TSPAN9: variants seen among roughly 807,000 people sequenced by gnomAD.
The protein encoded by TSPAN9 is tetraspanin 9.
TSPAN9 carries 16 observed loss-of-function variants against 31.0 expected under a neutral mutation model. The observed-to-expected ratio is 0.52, with a 90% CI of 0.35 to 0.78. TSPAN9 has a LOEUF of 0.78. Ranked by LOEUF, TSPAN9 falls within the 30% of genes least tolerant of loss-of-function variation. TSPAN9 has a pLI of 0.01. For synonymous variants in TSPAN9, 145 were observed against 121.6 expected (o/e 1.19, Z -1.27); for missense variants, 272 against 312.5 (o/e 0.87, Z 0.98).
intron 2 of TSPAN9, among the ~76,000 whole-genome samples, chr12:3,088,636 C>G (rs74054894): frequency 0.086 from 13,110 of 152,244 alleles, 1,744 homozygotes; most frequent in African/African-American, 0.29. Flanking sequence ...AGGGAGAACA[C>G]TGGAGACCAT....
In TSPAN9 at chr12:3,164,579, C is replaced by G. The variant is rs527243563; in HGVS notation, c.-17-36598C>G. 5.9e-5 allele frequency among the ~76,000 whole-genome samples: 9 copies of G among 152,344 alleles called. No individual in the cohort carries two copies. The South Asian group carries it at 1.9e-3, about 32-fold the overall frequency. ...AGGCCTGCGAGGGGAGATTGACACC[C>G]AGAGGTTGCTGGATCGTGGTGATGC... On this transcript the variant is annotated intron_variant, in intron 2 of 8. Transcript: ENST00000011898.
At chr12:3,087,954 A>G (rs977173609) in intron 2 of TSPAN9, among the ~76,000 whole-genome samples, 2 of 152,182 alleles carry the variant, frequency 1.3e-5, no homozygotes, top group Non-Finnish European at 2.9e-5. Context: ...TAGGGGCCCA[A>G]AGCTCTCCGA....
chr12:3,211,245 C>T (rs553766865), intron 3 of TSPAN9, among the ~76,000 whole-genome samples: 1 of 152,164 alleles, frequency 6.6e-6, no homozygotes, highest in Admixed American at 6.5e-5. Flanking sequence ...CTCCATAGCT[C>T]CATTGATTAA....
chr12:3,185,376 G>A (rs1565606129), intron 2 of TSPAN9, among the ~76,000 whole-genome samples: 1 of 152,188 alleles, frequency 6.6e-6, no homozygotes, highest in Non-Finnish European at 1.5e-5. Flanking sequence ...GGTTGGCAGG[G>A]TGGGGCTAGG....
At position 3,168,505 on chromosome 12, in the gene TSPAN9, AGAG is replaced by A. The variant is rs2098349860; in HGVS notation, c.-17-32671_-17-32669del. Among the ~76,000 whole-genome samples, 1 of 152,304 alleles carries A rather than the reference AGAG, an allele frequency of 6.6e-6. No individual in the cohort carries two copies. Among genetic ancestry groups the A allele is most frequent in the Non-Finnish European group, 1.5e-5 (1 of 68,012 alleles). On this transcript the variant is annotated intron_variant, in intron 2 of 8. Transcript: ENST00000011898. The surrounding 1 kb of genome is among the most constrained non-coding windows in gnomAD (Gnocchi z 4.0). ...TAAGAAGAGGCTGCAAGGGGTAAGA[AGAG>A]AGTGTCACAAGCTGGGAGGTGCCAG... is the stretch of plus-strand genomic sequence containing the variant.
chr12:3,160,071 C>T (rs939563351), intron 2 of TSPAN9, among the ~76,000 whole-genome samples: 2 of 152,206 alleles, frequency 1.3e-5, no homozygotes, highest in African/African-American at 4.8e-5. Context: ...CACTGGAAGC[C>T]ATTCTCTATA....
At chr12:3,208,993 T>C (rs981718718) in intron 3 of TSPAN9, among the ~76,000 whole-genome samples, 9 of 152,166 alleles carry the variant, frequency 5.9e-5, no homozygotes, top group African/African-American at 9.7e-5. Flanking sequence ...TCCTAGCACT[T>C]TGGGAGGCCA....
intron 3 of TSPAN9, among the ~76,000 whole-genome samples, chr12:3,240,456 T>C (rs2098396020): frequency 1.3e-5 from 2 of 152,292 alleles, no homozygotes; most frequent in South Asian, 2.1e-4. Flanking sequence ...CTTCACACAC[T>C]TCAGGTACTC....
chr12:3,078,193 C>A (rs1175409640), intron 1 of TSPAN9, among the ~76,000 whole-genome samples: 1 of 152,110 alleles, frequency 6.6e-6, no homozygotes, highest in Admixed American at 6.5e-5. Context: ...AGTATGGGAT[C>A]CCCTGAGCTA....
At position 3,283,143 on chromosome 12, in the gene TSPAN9, G is replaced by A. The variant is rs768379963; in HGVS notation, c.*27G>A. 1.3e-5 allele frequency: 21 copies of A among 1,602,214 alleles called. No homozygotes were observed. Among genetic ancestry groups the A allele is most frequent in the Admixed American group, 5.0e-5 (3 of 59,944 alleles). On this transcript the variant is annotated 3_prime_UTR_variant, in exon 9 of 9. Transcript: ENST00000011898. ...CGGGCTGGCCGGGAGTGCCCACCCCGCCCTGCTGCCCTGTGGAGGGAAGAG... is the reference window on the plus strand; with the variant it reads ...CGGGCTGGCCGGGAGTGCCCACCCCACCCTGCTGCCCTGTGGAGGGAAGAG...
chr12:3,164,479 GTCT>G (rs2098347240), intron 2 of TSPAN9, among the ~76,000 whole-genome samples: 1 of 152,142 alleles, frequency 6.6e-6, no homozygotes, highest in African/African-American at 2.4e-5. Context: ...GCTCACTCTG[GTCT>G]TCTTTACTCT....
intron 2 of TSPAN9, among the ~76,000 whole-genome samples, chr12:3,157,770 T>C (rs1321702013): frequency 3.9e-5 from 6 of 152,114 alleles, no homozygotes; most frequent in Admixed American, 3.9e-4. Flanking sequence ...TCCCCTTCCC[T>C]GATCAGGTGG....
At chr12:3,174,785 T>G (rs543240301) in intron 2 of TSPAN9, among the ~76,000 whole-genome samples, 4 of 149,342 alleles carry the variant, frequency 2.7e-5, no homozygotes, top group East Asian at 2.0e-4. Flanking sequence ...GGTTTCACCG[T>G]GTTAGCCAGG....
chr12:3,156,516 T>G (rs945441724), intron 2 of TSPAN9, among the ~76,000 whole-genome samples: 3 of 151,870 alleles, frequency 2.0e-5, no homozygotes, highest in African/African-American at 4.8e-5. Context: ...TTTTGTTTTT[T>G]TTTTAGATGG....
At chr12:3,092,509 A>T (rs569461648) in intron 2 of TSPAN9, among the ~76,000 whole-genome samples, 3 of 152,288 alleles carry the variant, frequency 2.0e-5, no homozygotes, top group Admixed American at 6.5e-5. Context: ...TGCAGCACCT[A>T]TAACACCCAG....
chr12:3,147,055 A>G lies in TSPAN9; in HGVS notation c.-17-54122A>G, dbSNP rs2098337593. Among the ~76,000 whole-genome samples the G allele has an allele frequency of 6.6e-6, 1 of 152,064 alleles. No individual in the cohort carries two copies. The highest frequency in any genetic ancestry group is 1.5e-5 in the Non-Finnish European group (1 of 68,006). ...ATGTAAGTGAAAGTTCATTGTTGGT[A>G]CCTTGATTTTAAGGTGTTTGATTAA... On this transcript the variant is annotated intron_variant, in intron 2 of 8. Coordinates refer to ENST00000011898, the MANE Select transcript of TSPAN9 (RefSeq NM_006675.5). The surrounding 1 kb of genome is among the most constrained non-coding windows in gnomAD (Gnocchi z 4.3).
intron 2 of TSPAN9, among the ~76,000 whole-genome samples, chr12:3,191,095 G>A (rs192473677): frequency 1.3e-5 from 2 of 152,286 alleles, no homozygotes; most frequent in Non-Finnish European, 2.9e-5. Flanking sequence ...TGGGGGAAAG[G>A]GGGTTTCAGG....
chr12:3,087,351 G>GA (rs535455729), intron 2 of TSPAN9, among the ~76,000 whole-genome samples: 1,905 of 151,478 alleles, frequency 0.013, 41 homozygotes, highest in African/African-American at 0.042. Context: ...AATAAGAATA[G>GA]AAAAAAAAAT....
chr12:3,161,530 C>A (rs1015747121), intron 2 of TSPAN9, among the ~76,000 whole-genome samples: 35 of 152,288 alleles, frequency 2.3e-4, no homozygotes, highest in African/African-American at 7.7e-4. Context: ...CCCTTTAAAA[C>A]CCACCACCTG....
Sources: gnomAD v4.1 joint callset for allele counts (sites outside exome capture counted in the v4.1 genomes callset) on GRCh38, gnomAD v4.1.1 for gene constraint, Gnocchi (gnomAD v3.1) non-coding constraint, MANE v1.5 for transcripts, NCBI Gene and HGNC (gene_info 2026-07-23, HGNC 2026-07-21) for gene names.